Variants in COG5 observed in about 807,000 individuals in gnomAD.
The protein encoded by COG5 is conserved oligomeric Golgi complex subunit 5.
A neutral mutation model predicts 110.4 loss-of-function variants in COG5; 86 were observed. That is an observed-to-expected ratio of 0.78 (90% CI 0.65 to 0.93). The LOEUF is 0.93. Among genes scored for constraint, COG5 ranks in the 40% least tolerant of loss-of-function variants. COG5 has a pLI of 0.00. For missense variants in COG5, 1,077 were observed against 987.0 expected (o/e 1.09, Z -1.22); for synonymous variants, 360 against 334.6 (o/e 1.08, Z -0.83).
intron 6 of COG5, among the ~76,000 whole-genome samples, chr7:107,443,834 GATATT>G (rs1290134751): frequency 2.6e-5 from 4 of 152,088 alleles, no homozygotes; most frequent in Non-Finnish European, 4.4e-5. Flanking sequence ...CAGCCAAATT[GATATT>G]ATATATTTCA....
At position 107,527,363 on chromosome 7, in the gene COG5, C is replaced by CA; in HGVS notation, c.418-7dup. 2 of 1,612,912 alleles carry CA rather than the reference C, an allele frequency of 1.2e-6. No homozygotes were observed. The highest frequency in any genetic ancestry group is 1.7e-6 in the Non-Finnish European group (2 of 1,179,736). ...CGAAGCAAATCACAGGCAACCTGTG[C>CA]AAACATCACAATGTTAAGTTAGTTG... On this transcript the variant is annotated splice_region_variant and splice_polypyrimidine_tract_variant and intron_variant, in intron 5 of 21. Coordinates refer to ENST00000297135, the MANE Select transcript of COG5 (RefSeq NM_006348.5).
chr7:107,312,808 A>T (rs905818970), intron 11 of COG5, among the ~76,000 whole-genome samples: 1 of 152,168 alleles, frequency 6.6e-6, no homozygotes, highest in Non-Finnish European at 1.5e-5. Context: ...TTATCTATTT[A>T]AAAAAATTCA....
intron 12 of COG5, among the ~76,000 whole-genome samples, chr7:107,285,447 T>C (rs879891916): frequency 3.3e-5 from 5 of 152,212 alleles, no homozygotes; most frequent in Admixed American, 2.6e-4. Context: ...GTAACTACAA[T>C]GTCAAACATC....
intron 11 of COG5, among the ~76,000 whole-genome samples, chr7:107,321,601 G>A (rs1809289786): frequency 6.6e-6 from 1 of 152,146 alleles, no homozygotes; most frequent in South Asian, 2.1e-4. Context: ...ACCAAACAGA[G>A]TCCAGAAATA....
intron 14 of COG5, among the ~76,000 whole-genome samples, chr7:107,275,141 T>A (rs1804596263): frequency 6.6e-6 from 1 of 151,986 alleles, no homozygotes; most frequent in South Asian, 2.1e-4. Flanking sequence ...TAGTCCAACG[T>A]AAGAAGAGAG....
At chr7:107,478,746 G>A (rs1045927047) in intron 6 of COG5, among the ~76,000 whole-genome samples, 3 of 151,862 alleles carry the variant, frequency 2.0e-5, no homozygotes, top group African/African-American at 7.3e-5. Context: ...CTGAAGATAA[G>A]GGGGGAACAA....
intron 6 of COG5, among the ~76,000 whole-genome samples, chr7:107,455,636 T>C (rs1175708316): frequency 6.6e-6 from 1 of 152,210 alleles, no homozygotes; most frequent in Non-Finnish European, 1.5e-5. Context: ...TGATGGTATA[T>C]GTAATAACAC....
intron 6 of COG5, among the ~76,000 whole-genome samples, chr7:107,414,703 CTTTTTTTTTTTTTTTTTTTT>C (rs530323655): frequency 0.02 from 1,254 of 61,660 alleles, 44 homozygotes; most frequent in African/African-American, 0.04. Context: ...CTCACTGTCC[CTTTTTTTTTTTTTTTTTTTT>C]TTTTTTTTTT....
chr7:107,561,710 C>G (rs915251488), intron 1 of COG5, among the ~76,000 whole-genome samples: 2 of 152,218 alleles, frequency 1.3e-5, no homozygotes, highest in African/African-American at 2.4e-5. Context: ...GGCGTGGTGG[C>G]TCACGCCTGT....
At chr7:107,314,060 C>T (rs1260362141) in intron 11 of COG5, among the ~76,000 whole-genome samples, 1 of 151,984 alleles carries the variant, frequency 6.6e-6, no homozygotes, top group Non-Finnish European at 1.5e-5. Context: ...GAATATTTTA[C>T]CATTTTGAGA....
intron 1 of COG5, among the ~76,000 whole-genome samples, chr7:107,559,782 C>A (rs1204755410): frequency 6.6e-6 from 1 of 152,100 alleles, no homozygotes; most frequent in Non-Finnish European, 1.5e-5. Flanking sequence ...AAAGCCATTC[C>A]AAGCAAAGGG....
chr7:107,201,796 T>C lies in COG5; in HGVS notation c.*1720A>G, dbSNP rs773755170. 2.7e-4 allele frequency: 49 copies of C among 184,658 alleles called. No individual in the cohort carries two copies. The highest frequency in any genetic ancestry group is 4.2e-4 in the Non-Finnish European group (37 of 88,988). The allele number at this position is 184,658 out of a possible 1,614,324, so 11.4% of individuals were successfully genotyped here. On this transcript the variant is annotated 3_prime_UTR_variant, in exon 22 of 22. Transcript: ENST00000297135. ...GTACGAAAGGGGAATTTAAAAAATA[T>C]GTAACTGCTGTTTATACATTGGCTC...
chr7:107,315,351 T>C (rs1808637700), intron 11 of COG5, among the ~76,000 whole-genome samples: 1 of 152,152 alleles, frequency 6.6e-6, no homozygotes, highest in Non-Finnish European at 1.5e-5. Flanking sequence ...TTATTCATTC[T>C]TGGTTTGGGA....
chr7:107,430,713 G>A (rs893879137), intron 6 of COG5, among the ~76,000 whole-genome samples: 10 of 152,186 alleles, frequency 6.6e-5, no homozygotes, highest in Non-Finnish European at 1.5e-4. Context: ...GCTGCCATCT[G>A]TGCTAGGCAT....
At chr7:107,393,402 T>C (rs1343832921) in intron 7 of COG5, among the ~76,000 whole-genome samples, 1 of 152,222 alleles carries the variant, frequency 6.6e-6, no homozygotes, top group Admixed American at 6.5e-5. Flanking sequence ...AAGAAGACAC[T>C]TTCTCCCCGT....
At chr7:107,409,913 G>A (rs1234580989) in intron 7 of COG5, among the ~76,000 whole-genome samples, 1 of 152,194 alleles carries the variant, frequency 6.6e-6, no homozygotes, top group Admixed American at 6.5e-5. Flanking sequence ...AACCATCTGT[G>A]AAATGGAAGA....
In COG5 at chr7:107,342,368, CAAA is replaced by C. The variant is rs796981383; in HGVS notation, c.1027-17850_1027-17848del. Among the ~76,000 whole-genome samples the C allele has an allele frequency of 7.5e-3, 734 of 97,768 alleles. 7 individuals are homozygous for C. The highest frequency in any genetic ancestry group is 0.027 in the African/African-American group (714 of 26,352). The allele number at this position is 97,768 out of a possible 152,430, so 64.1% of individuals were successfully genotyped here. A position where few individuals can be genotyped will look rare whatever the true frequency, so the allele number is the denominator to read the frequency against. ...AAAGAGTCAAAACAAACAAACAAACCAAAAAAAAAAAAAAAAAACACACCACAG... is the reference window on the plus strand; with the variant it reads ...AAAGAGTCAAAACAAACAAACAAACCAAAAAAAAAAAAAAACACACCACAG... On this transcript the variant is annotated intron_variant, in intron 10 of 21. Transcript: ENST00000297135.
chr7:107,434,070 G>C (rs12154818), intron 6 of COG5, among the ~76,000 whole-genome samples: 32,635 of 152,076 alleles, frequency 0.21, 3,672 homozygotes, highest in Non-Finnish European at 0.24. Flanking sequence ...TTCAACATCA[G>C]TAATCATTGG....
chr7:107,450,453 T>C (rs1289485974), intron 6 of COG5: 1 of 152,248 alleles, frequency 6.6e-6, no homozygotes. Context: ...GAGAAGCAGC[T>C]TCTGCTGCTC....
Sources: gnomAD v4.1 joint callset for allele counts (sites outside exome capture counted in the v4.1 genomes callset) on GRCh38, gnomAD v4.1.1 for gene constraint, MANE v1.5 for transcripts, NCBI Gene and HGNC (gene_info 2026-07-23, HGNC 2026-07-21) for gene names.